The following OSBP2 variants were observed in gnomAD, a reference collection of about 807,000 sequenced individuals.
The protein encoded by OSBP2 is oxysterol-binding protein 2.
Under a neutral mutation model 96.0 loss-of-function variants are expected in OSBP2, and 66 were observed. The ratio of observed to expected loss-of-function variants is 0.69; its 90% CI spans 0.56 to 0.84. The LOEUF (loss-of-function observed/expected upper bound fraction) is 0.84, where lower values mean the gene tolerates loss of function less well. OSBP2 is among the 40% of genes least tolerant of loss of function. The pLI, the probability that OSBP2 is intolerant of heterozygous loss-of-function variation, is 0.00. For synonymous variants in OSBP2, 525 were observed against 520.9 expected (o/e 1.01, Z -0.11); for missense variants, 1,038 against 1,222.7 (o/e 0.85, Z 2.25).
intron 2 of OSBP2, among the ~76,000 whole-genome samples, chr22:30,789,386 A>T (rs1032691618): frequency 9.2e-5 from 14 of 152,110 alleles, no homozygotes; most frequent in Non-Finnish European, 1.9e-4. Context: ...AGAAGCCAGG[A>T]TTTCATAGGC....
chr22:30,792,965 A>G (rs1324332501), intron 2 of OSBP2, among the ~76,000 whole-genome samples: 1 of 152,226 alleles, frequency 6.6e-6, no homozygotes. Flanking sequence ...GAGTTAGTAA[A>G]TGGCAGAGCC....
rs34500140 is a variant in OSBP2 at position 30,746,485 on chromosome 22, C to CTTTTT, written c.853+5133_853+5137dup. The stretch of plus-strand genomic sequence containing the variant: ...CCAAAAAATTGAAGAGGATGAAACA[C>CTTTTT]TTTTTTTTTTTTTTTTTTTTTGAGA... On this transcript the variant is annotated intron_variant, in intron 2 of 13. Transcript: ENST00000332585. Among the ~76,000 whole-genome samples the CTTTTT allele has an allele frequency of 5.3e-4, 54 of 101,530 alleles. 1 individual carries two copies. Among genetic ancestry groups the CTTTTT allele is most frequent in the African/African-American group, 1.0e-3 (25 of 24,660 alleles). The allele number at this position is 101,530 out of a possible 152,430, so 66.6% of individuals were successfully genotyped here.
intron 1 of OSBP2, among the ~76,000 whole-genome samples, chr22:30,722,574 G>C (rs1392932875): frequency 2.0e-5 from 3 of 151,858 alleles, no homozygotes; most frequent in Non-Finnish European, 4.4e-5. Context: ...TTATAATTTT[G>C]TTTATAGTTT....
chr22:30,735,227 T>C (rs990749659), intron 1 of OSBP2, among the ~76,000 whole-genome samples: 1 of 152,058 alleles, frequency 6.6e-6, no homozygotes, highest in Admixed American at 6.6e-5. Flanking sequence ...AAAGTAACAC[T>C]AACTAGAATG....
intron 2 of OSBP2, among the ~76,000 whole-genome samples, chr22:30,858,849 A>T (rs982508036): frequency 6.7e-6 from 1 of 150,052 alleles, no homozygotes; most frequent in Non-Finnish European, 1.5e-5. Context: ...ACTGCACTCC[A>T]GGCTGGGTGA....
intron 2 of OSBP2, among the ~76,000 whole-genome samples, chr22:30,793,127 C>T (rs1199967508): frequency 1.3e-5 from 2 of 152,204 alleles, no homozygotes; most frequent in South Asian, 4.1e-4. Context: ...CGGTGGCTCA[C>T]GCCTGTAATC....
chr22:30,882,093 G>C (rs538175049), intron 3 of OSBP2, among the ~76,000 whole-genome samples: 3 of 152,298 alleles, frequency 2.0e-5, no homozygotes, highest in African/African-American at 7.2e-5. Context: ...GGGGGACTGA[G>C]GTCACTCACG....
chr22:30,725,399 T>C (rs1364243449), intron 1 of OSBP2, among the ~76,000 whole-genome samples: 1 of 151,790 alleles, frequency 6.6e-6, no homozygotes, highest in African/African-American at 2.4e-5. Context: ...TCCCAGCTAC[T>C]ACTCGGGAGG....
At chr22:30,811,278 A>G (rs2091002667) in intron 2 of OSBP2, among the ~76,000 whole-genome samples, 1 of 151,318 alleles carries the variant, frequency 6.6e-6, no homozygotes, top group Non-Finnish European at 1.5e-5. Context: ...TGATACAAAT[A>G]CATCTCTTTT....
intron 12 of OSBP2, among the ~76,000 whole-genome samples, chr22:30,894,920 C>G (rs577735018): frequency 6.6e-6 from 1 of 152,208 alleles, no homozygotes; most frequent in East Asian, 1.9e-4. Flanking sequence ...CATTTTCAGG[C>G]AAACAAAAAG....
chr22:30,737,007 C>T (rs1341366782), intron 1 of OSBP2, among the ~76,000 whole-genome samples: 1 of 152,198 alleles, frequency 6.6e-6, no homozygotes, highest in African/African-American at 2.4e-5. Flanking sequence ...CATTTTTCCA[C>T]AGGAACTTCT....
chr22:30,858,914 A>ATAATAATAATAATAAT (rs201632027), intron 2 of OSBP2, among the ~76,000 whole-genome samples: 1 of 146,570 alleles, frequency 6.8e-6, no homozygotes, highest in African/African-American at 2.5e-5. Context: ...AATAATAATA[A>ATAATAATAATAATAAT]AAGCATTCCC....
chr22:30,785,566 CAA>C (rs762870932), intron 2 of OSBP2, among the ~76,000 whole-genome samples: 2 of 48,006 alleles, frequency 4.2e-5, no homozygotes, highest in Non-Finnish European at 4.1e-5. Context: ...GACTTCGTCT[CAA>C]AAAAAAAAAA....
intron 12 of OSBP2, among the ~76,000 whole-genome samples, chr22:30,897,234 TAAGG>T (rs556405659): frequency 8.7e-4 from 132 of 152,346 alleles, no homozygotes; most frequent in African/African-American, 3.0e-3. Context: ...TATTGATACT[TAAGG>T]AAGAAATTGA....
At chr22:30,764,221 G>T (rs2090241984) in intron 2 of OSBP2, 1 of 983,142 alleles carries the variant, frequency 1.0e-6, no homozygotes, top group Non-Finnish European at 1.2e-6. Flanking sequence ...CCAGCACTTG[G>T]AATTATCCCA....
At chr22:30,735,980 C>T (rs1172810835) in intron 1 of OSBP2, among the ~76,000 whole-genome samples, 1 of 152,062 alleles carries the variant, frequency 6.6e-6, no homozygotes, top group Non-Finnish European at 1.5e-5. Flanking sequence ...GTGGCACGAT[C>T]TCAGCTCACT....
At chr22:30,813,525 G>T (rs892518080) in intron 2 of OSBP2, among the ~76,000 whole-genome samples, 1 of 151,674 alleles carries the variant, frequency 6.6e-6, no homozygotes, top group Non-Finnish European at 1.5e-5. Context: ...CTTTGACTTT[G>T]AACAAAACTC....
At chr22:30,721,623 T>A (rs1194860182) in intron 1 of OSBP2, among the ~76,000 whole-genome samples, 2 of 152,092 alleles carry the variant, frequency 1.3e-5, no homozygotes, top group Non-Finnish European at 2.9e-5. Flanking sequence ...TGGGAGTCGC[T>A]TTTACATAAG....
chr22:30,807,929 G>A (rs960702307), intron 2 of OSBP2, among the ~76,000 whole-genome samples: 6 of 152,128 alleles, frequency 3.9e-5, no homozygotes, highest in Admixed American at 2.6e-4. Context: ...GGGACTACAG[G>A]CACAGGCCAC....
Sources: gnomAD v4.1 joint callset for allele counts (sites outside exome capture counted in the v4.1 genomes callset) on GRCh38, gnomAD v4.1.1 for gene constraint, MANE v1.5 for transcripts, NCBI Gene and HGNC (gene_info 2026-07-23, HGNC 2026-07-21) for gene names.